ADAMTS16: variants seen among roughly 807,000 people sequenced by gnomAD.
ADAMTS16 encodes ADAM metallopeptidase with thrombospondin type 1 motif 16.
In ADAMTS16, 94 loss-of-function variants were observed where a neutral mutation model predicts 145.8. The ratio of observed to expected loss-of-function variants is 0.64; its 90% CI spans 0.55 to 0.77. ADAMTS16 has a LOEUF of 0.77. Ranked by LOEUF, ADAMTS16 falls within the 30% of genes least tolerant of loss-of-function variation. The pLI, the probability that ADAMTS16 is intolerant of heterozygous loss-of-function variation, is 0.00. For missense variants in ADAMTS16, 1,585 were observed against 1,591.5 expected, an observed-to-expected ratio of 1.00 and a Z score of 0.07; for synonymous variants, 659 against 604.3, an observed-to-expected ratio of 1.09 and a Z score of -1.33.
chr5:5,167,084 T>G (rs1449063071), intron 3 of ADAMTS16, among the ~76,000 whole-genome samples: 1 of 152,248 alleles, frequency 6.6e-6, no homozygotes, highest in Non-Finnish European at 1.5e-5. Context: ...TCTCTTCTTC[T>G]TTTTTTGTAC....
Position 5,186,264 on chromosome 5 carries a change from T to C in ADAMTS16, c.963+13T>C. On this transcript the variant is annotated intron_variant, in intron 5 of 22. Coordinates refer to ENST00000274181, the MANE Select transcript of ADAMTS16 (RefSeq NM_139056.4). ...GATACTCAACATGGTAGGATCATCC[T>C]TCCAGTTGAGGCCACCTGTGTCATT... The C allele has an allele frequency of 6.2e-7, 1 of 1,611,826 alleles. No individual in the cohort carries two copies. Among genetic ancestry groups the C allele is most frequent in the South Asian group, 1.1e-5 (1 of 90,972 alleles).
rs546742360 is a variant in ADAMTS16, at chr5:5,140,344, C to G, written c.-124C>G. 4.1e-6 allele frequency: 4 copies of G among 980,494 alleles called. No individual in the cohort carries two copies. Among genetic ancestry groups the G allele is most frequent in the Non-Finnish European group, 5.6e-6 (4 of 717,400 alleles). The allele number at this position is 980,494 out of a possible 1,614,324, so 60.7% of individuals were successfully genotyped here. Reference sequence around the variant, plus strand: ...CACGGAGCTTCAGTAATAACCCCGGCGCGGCGGCGGAGTCGCTGTGGGGAA... The same window carrying G: ...CACGGAGCTTCAGTAATAACCCCGGGGCGGCGGCGGAGTCGCTGTGGGGAA... On this transcript the variant is annotated 5_prime_UTR_variant, in exon 1 of 23. Transcript: ENST00000274181.
At chr5:5,296,149 C>G (rs1433139972) in intron 18 of ADAMTS16, among the ~76,000 whole-genome samples, 12 of 152,206 alleles carry the variant, frequency 7.9e-5, no homozygotes, top group Non-Finnish European at 2.9e-5. Flanking sequence ...CCCTTTGGTT[C>G]TGGGTGGGTC....
chr5:5,143,146 A>C (rs960256707), intron 2 of ADAMTS16, among the ~76,000 whole-genome samples: 1 of 152,232 alleles, frequency 6.6e-6, no homozygotes, highest in East Asian at 1.9e-4. Flanking sequence ...ATTAAACTAA[A>C]GAGCTTCTGC....
intron 3 of ADAMTS16, among the ~76,000 whole-genome samples, chr5:5,148,873 G>T (rs1231371770): frequency 6.6e-6 from 1 of 152,126 alleles, no homozygotes; most frequent in Non-Finnish European, 1.5e-5. Flanking sequence ...GGACAGGCAT[G>T]GGAGCCAGAA....
intron 11 of ADAMTS16, among the ~76,000 whole-genome samples, chr5:5,228,135 C>T (rs1291773085): frequency 6.6e-6 from 1 of 152,156 alleles, no homozygotes; most frequent in Non-Finnish European, 1.5e-5. Flanking sequence ...TAAATAATCC[C>T]TAAACATCAA....
intron 11 of ADAMTS16, among the ~76,000 whole-genome samples, chr5:5,225,024 CA>C (rs1553992157): frequency 1.4e-5 from 2 of 146,568 alleles, no homozygotes; most frequent in Admixed American, 6.8e-5. Context: ...TCCTTTGTAC[CA>C]AAAAAAAACA....
chr5:5,248,105 A>G (rs1477341816), intron 17 of ADAMTS16, among the ~76,000 whole-genome samples: 1 of 152,232 alleles, frequency 6.6e-6, no homozygotes, highest in African/African-American at 2.4e-5. Flanking sequence ...CATTTATGGA[A>G]CACCGTCTGG....
intron 18 of ADAMTS16, among the ~76,000 whole-genome samples, chr5:5,285,941 T>C (rs2126479624): frequency 6.6e-6 from 1 of 152,256 alleles, no homozygotes; most frequent in East Asian, 1.9e-4. Context: ...CCTGAGTTTG[T>C]GAATGCTAAT....
At chr5:5,290,160 TA>T (rs552564686) in intron 18 of ADAMTS16, among the ~76,000 whole-genome samples, 15 of 152,314 alleles carry the variant, frequency 9.8e-5, no homozygotes, top group Admixed American at 2.6e-4. Flanking sequence ...TCTCCTGAGG[TA>T]AAGAAGCAAG....
chr5:5,232,307 A>G, intron 11 of ADAMTS16, 61 bp from the exon 12 acceptor site: 17 of 1,604,010 alleles, frequency 1.1e-5, no homozygotes, highest in Non-Finnish European at 1.4e-5. Context: ...AGCAGTGATG[A>G]GATGAACCCA....
At chr5:5,314,435 T>C (rs6885277) in intron 21 of ADAMTS16, among the ~76,000 whole-genome samples, 89,798 of 152,184 alleles carry the variant, frequency 0.59, 27,603 homozygotes, top group East Asian at 0.87. Flanking sequence ...ACCAAGGGAA[T>C]GCCTGGAAGG....
intron 3 of ADAMTS16, among the ~76,000 whole-genome samples, chr5:5,179,956 C>G (rs1334282120): frequency 6.6e-6 from 1 of 152,196 alleles, no homozygotes; most frequent in Admixed American, 6.5e-5. Context: ...ACCCCAAATC[C>G]TATTTTCCTT....
intron 10 of ADAMTS16, among the ~76,000 whole-genome samples, chr5:5,218,782 C>A (rs1736508190): frequency 6.6e-6 from 1 of 151,952 alleles, no homozygotes; most frequent in Admixed American, 6.5e-5. Flanking sequence ...GTCAGGCTGC[C>A]CAGTGGCCAG....
chr5:5,168,901 C>T (rs1441207563), intron 3 of ADAMTS16, among the ~76,000 whole-genome samples: 1 of 150,998 alleles, frequency 6.6e-6, no homozygotes, highest in African/African-American at 2.4e-5. Context: ...AGTATCCTAA[C>T]ACATTGAATC....
In ADAMTS16 at chr5:5,319,918, T is replaced by C. The variant is rs761103412; in HGVS notation, c.*780T>C. 4.4e-6 allele frequency: 2 copies of C among 455,358 alleles called. No homozygotes were observed. Among genetic ancestry groups the C allele is most frequent in the Non-Finnish European group, 4.4e-6 (1 of 226,800 alleles). The allele number at this position is 455,358 out of a possible 1,614,324, so 28.2% of individuals were successfully genotyped here. On this transcript the variant is annotated 3_prime_UTR_variant, in exon 23 of 23. Coordinates refer to ENST00000274181, the MANE Select transcript of ADAMTS16 (RefSeq NM_139056.4). ...AGTGAGTGTCCTTTTAAAAACACACTTCTTCATGCTTTTCTTTGTAAATGA... is the reference window on the plus strand; with the variant it reads ...AGTGAGTGTCCTTTTAAAAACACACCTCTTCATGCTTTTCTTTGTAAATGA...
intron 21 of ADAMTS16, among the ~76,000 whole-genome samples, chr5:5,308,133 C>T (rs531189370): frequency 1.3e-5 from 2 of 152,382 alleles, no homozygotes; most frequent in East Asian, 3.9e-4. Flanking sequence ...GATCGTGCCA[C>T]CAAGACACCC....
At chr5:5,168,369 T>G (rs1734941231) in intron 3 of ADAMTS16, among the ~76,000 whole-genome samples, 1 of 146,492 alleles carries the variant, frequency 6.8e-6, no homozygotes, top group South Asian at 2.1e-4. Context: ...ATTATTATTA[T>G]TATTATTATT....
At chr5:5,298,979 A>C (rs185069192) in intron 18 of ADAMTS16, among the ~76,000 whole-genome samples, 1 of 152,250 alleles carries the variant, frequency 6.6e-6, no homozygotes, top group Non-Finnish European at 1.5e-5. Context: ...CTGATGCTGA[A>C]GAGGCACCGC....
Sources: allele counts gnomAD v4.1 joint callset (sites outside exome capture counted in the v4.1 genomes callset), GRCh38; gene constraint gnomAD v4.1.1; transcripts MANE v1.5; gene names NCBI Gene and HGNC (gene_info 2026-07-23, HGNC 2026-07-21).